THY1: variants seen among roughly 807,000 people sequenced by gnomAD.
The protein encoded by THY1 is Thy-1 cell surface antigen.
In THY1, 10 loss-of-function variants were observed where a neutral mutation model predicts 14.9. The ratio of observed to expected loss-of-function variants is 0.67; its 90% CI spans 0.41 to 1.14. The LOEUF (loss-of-function observed/expected upper bound fraction) is 1.14. Ranked by LOEUF, THY1 falls within the 50% of genes most tolerant of loss-of-function variation. The probability of loss-of-function intolerance (pLI) is 0.00; values close to 1 mark genes in which losing one functional copy is unlikely to be tolerated. For synonymous variants in THY1, 80 were observed against 90.0 expected (o/e 0.89, Z 0.63); for missense variants, 159 against 202.1 (o/e 0.79, Z 1.29).
At chr11:119,419,979 C>G in intron 3 of THY1, 72 bp downstream of exon 3, 4 of 1,487,224 alleles carry the variant, frequency 2.7e-6, no homozygotes, top group Non-Finnish European at 3.6e-6. Flanking sequence ...TCTAGTCCAG[C>G]CAAGGGAACT....
Sources: allele counts gnomAD v4.1 joint callset, GRCh38; gene constraint gnomAD v4.1.1; transcripts MANE v1.5; gene names NCBI Gene and HGNC (gene_info 2026-07-23, HGNC 2026-07-21).